CXCL14: variants seen among roughly 807,000 people sequenced by gnomAD.
CXCL14 encodes the protein C-X-C motif chemokine 14.
In CXCL14, 9 loss-of-function variants were observed where a neutral mutation model predicts 16.1. The ratio of observed to expected loss-of-function variants is 0.56; its 90% CI spans 0.34 to 0.97. The LOEUF is 0.97. Among genes scored for constraint, CXCL14 ranks in the 50% least tolerant of loss-of-function variants. The probability of loss-of-function intolerance (pLI) is 0.02; values close to 1 mark genes in which losing one functional copy is unlikely to be tolerated. For missense variants in CXCL14, 111 were observed against 132.5 expected (o/e 0.84, Z 0.80); for synonymous variants, 55 against 52.8 (o/e 1.04, Z -0.18).
rs1163987955 is a variant in CXCL14, at chr5:135,578,918, G to A, written c.-140C>T. 6 of 941,432 alleles carry A rather than the reference G, an allele frequency of 6.4e-6. No homozygotes were observed. Among genetic ancestry groups the A allele is most frequent in the Non-Finnish European group, 7.4e-6 (5 of 672,396 alleles). 58.3% of individuals were successfully genotyped at this position (941,432 alleles called of 1,614,324 possible). On this transcript the variant is annotated 5_prime_UTR_variant, in exon 1 of 4. Transcript: ENST00000512158. ...CCTTCCGGCTCTGCTGGCTCCGGCTGCGCCGTCGGTGGATGCCCAGGGCTG... is the reference window on the plus strand; with the variant it reads ...CCTTCCGGCTCTGCTGGCTCCGGCTACGCCGTCGGTGGATGCCCAGGGCTG...
chr5:135,574,583 G>T lies in CXCL14; in HGVS notation c.273C>A (p.Asn91Lys). The T allele has an allele frequency of 1.9e-6, 3 of 1,612,670 alleles. No individual in the cohort carries two copies. The highest frequency in any genetic ancestry group is 2.5e-6 in the Non-Finnish European group (3 of 1,179,768). Reference protein sequence around the residue: ...KRFIKWYNAWNEKRRVYEE With the variant: ...KRFIKWYNAWKEKRRVYEE Reference sequence around the variant, plus strand: ...GAGGCGGGGCGTACCTGCGCTTCTCGTTCCAGGCGTTGTACCACTTGATGA... The same window carrying T: ...GAGGCGGGGCGTACCTGCGCTTCTCTTTCCAGGCGTTGTACCACTTGATGA... Residue 91 changes from asparagine (N) to lysine (K), a missense_variant, in exon 3 of 4, where the codon AAC (asparagine) becomes AAA (lysine). Asn to Lys is a moderately conservative substitution (Grantham distance 94). Coordinates refer to ENST00000512158, the MANE Select transcript of CXCL14 (RefSeq NM_004887.5).
rs151336467 is a variant in CXCL14 at position 135,571,031 on chromosome 5, G to A, written c.*822C>T. On this transcript the variant is annotated 3_prime_UTR_variant, in exon 4 of 4. Transcript: ENST00000512158. ...GAATGTGTGTCTGTAGCTGTGTATT[G>A]CGCATGTATTCATATATTTTTAAGT... The A allele has an allele frequency of 6.6e-6, 1 of 152,308 alleles. No individual in the cohort carries two copies. Among genetic ancestry groups the A allele is most frequent in the East Asian group, 1.9e-4 (1 of 5,182 alleles). The allele number at this position is 152,308 out of a possible 1,614,324, so 9.4% of individuals were successfully genotyped here. A position where few individuals can be genotyped will look rare whatever the true frequency, so the allele number is the denominator to read the frequency against.
At position 135,571,742 on chromosome 5, in the gene CXCL14, CTTTTTTTTTTTTTTTTTTTTTTTTT is replaced by C. The variant is rs566365690; in HGVS notation, c.*86_*110del. 18,995 of 457,974 alleles carry C rather than the reference CTTTTTTTTTTTTTTTTTTTTTTTTT, an allele frequency of 0.041. 222 individuals are homozygous for C. The highest frequency in any genetic ancestry group is 0.062 in the Middle Eastern group (138 of 2,210). 28.4% of individuals were successfully genotyped at this position (457,974 alleles called of 1,614,324 possible). A position where few individuals can be genotyped will look rare whatever the true frequency, so the allele number is the denominator to read the frequency against. On this transcript the variant is annotated 3_prime_UTR_variant, in exon 4 of 4. Coordinates refer to ENST00000512158, the MANE Select transcript of CXCL14 (RefSeq NM_004887.5). ...GTCTTATGCCTGTGAGAAAGAAAGG[CTTTTTTTTTTTTTTTTTTTTTTTTT>C]TTTTTTTTTTTTTTTTTTAATCTGC... is the stretch of plus-strand genomic sequence containing the variant.
In CXCL14 at chr5:135,571,764, TTTTTTTTTTTTTTTTTTTTTTAATCTG is replaced by T; in HGVS notation, c.*62_*88del. The T allele has an allele frequency of 1.6e-5, 3 of 182,562 alleles. No individual in the cohort carries two copies. Among genetic ancestry groups the T allele is most frequent in the Non-Finnish European group, 3.0e-5 (3 of 100,460 alleles). The allele number at this position is 182,562 out of a possible 1,614,324, so 11.3% of individuals were successfully genotyped here. The stretch of plus-strand genomic sequence containing the variant: ...AGGCTTTTTTTTTTTTTTTTTTTTT[TTTTTTTTTTTTTTTTTTTTTTAATCTG>T]CAAAGTCCTTTGCACAAGTCTCCCA... On this transcript the variant is annotated 3_prime_UTR_variant, in exon 4 of 4. Coordinates refer to ENST00000512158, the MANE Select transcript of CXCL14 (RefSeq NM_004887.5).
At chr5:135,575,730 G>A (rs1751087804) in intron 2 of CXCL14, among the ~76,000 whole-genome samples, 1 of 152,218 alleles carries the variant, frequency 6.6e-6, no homozygotes, top group African/African-American at 2.4e-5. Context: ...CATGACAGGA[G>A]TTGTGGGGAA....
In CXCL14 at chr5:135,571,082, T is replaced by C. The variant is rs987438964; in HGVS notation, c.*771A>G. 7.2e-5 allele frequency: 11 copies of C among 152,236 alleles called. No individual in the cohort carries two copies. Among genetic ancestry groups the C allele is most frequent in the Admixed American group, 7.2e-4 (11 of 15,288 alleles). 9.4% of individuals were successfully genotyped at this position (152,236 alleles called of 1,614,324 possible). A position where few individuals can be genotyped will look rare whatever the true frequency, so the allele number is the denominator to read the frequency against. On this transcript the variant is annotated 3_prime_UTR_variant, in exon 4 of 4. Transcript: ENST00000512158. Reference sequence around the variant, plus strand: ...TTTCTCCTAAGGTTTTTGCTGACAGTGTTGGGAACCTCACATGCTTCTGAA... The same window carrying C: ...TTTCTCCTAAGGTTTTTGCTGACAGCGTTGGGAACCTCACATGCTTCTGAA...
intron 2 of CXCL14, among the ~76,000 whole-genome samples, chr5:135,576,032 G>A (rs539996158): frequency 1.6e-4 from 25 of 152,346 alleles, no homozygotes; most frequent in Middle Eastern, 6.8e-3. Flanking sequence ...AAAGAAAATC[G>A]GATCTTGCCA....
intron 2 of CXCL14, among the ~76,000 whole-genome samples, chr5:135,577,053 G>GT (rs1366488780): frequency 6.6e-6 from 1 of 152,164 alleles, no homozygotes; most frequent in Non-Finnish European, 1.5e-5. Context: ...CCTAGCTATA[G>GT]TTTTTCTCTA....
At position 135,571,867 on chromosome 5, in the gene CXCL14, C is replaced by T. The variant is rs980067878; in HGVS notation, c.286G>A (p.Val96Ile). 1.9e-6 allele frequency: 3 copies of T among 1,592,770 alleles called. No individual in the cohort carries two copies. The highest frequency in any genetic ancestry group is 2.8e-5 in the African/African-American group (2 of 72,672). ...GGTTTTTCACCCTATTCTTCGTAGA[C>T]CCTGGGGAGAAAAAACACATGTGTA... ...WYNAWNEKRR[V>I]YEE Residue 96 changes from valine to isoleucine, a missense_variant and splice_region_variant, in exon 4 of 4, where the codon GTC becomes ATC. Coordinates refer to ENST00000512158, the MANE Select transcript of CXCL14 (RefSeq NM_004887.5).
At position 135,578,811 on chromosome 5, in the gene CXCL14, A is replaced by C; in HGVS notation, c.-33T>G. The stretch of plus-strand genomic sequence containing the variant: ...GGAGGGGCGCGGCGTGGGAGCAGGG[A>C]CATGGGGAGGGCGCTGGCCCGTCGG... On this transcript the variant is annotated 5_prime_UTR_variant, in exon 1 of 4. Transcript: ENST00000512158. 2 of 1,522,096 alleles carry C rather than the reference A, an allele frequency of 1.3e-6. No individual in the cohort carries two copies. Among genetic ancestry groups the C allele is most frequent in the Non-Finnish European group, 1.8e-6 (2 of 1,138,870 alleles). The allele number at this position is 1,522,096 out of a possible 1,614,324, so 94.3% of individuals were successfully genotyped here.
Position 135,578,806 on chromosome 5 carries a change from C to G in CXCL14, c.-28G>C, listed in dbSNP as rs1039124835. 2.6e-6 allele frequency: 4 copies of G among 1,531,818 alleles called. No homozygotes were observed. The South Asian group carries it at 3.7e-5, about 14-fold the overall frequency. The allele number at this position is 1,531,818 out of a possible 1,614,324, so 94.9% of individuals were successfully genotyped here. A position where few individuals can be genotyped will look rare whatever the true frequency, so the allele number is the denominator to read the frequency against. ...TGACCGGAGGGGCGCGGCGTGGGAG[C>G]AGGGACATGGGGAGGGCGCTGGCCC... On this transcript the variant is annotated 5_prime_UTR_variant, in exon 1 of 4. Transcript: ENST00000512158.
rs745758248 is a variant in CXCL14, at chr5:135,578,847, C to T, written c.-69G>A. On this transcript the variant is annotated 5_prime_UTR_variant, in exon 1 of 4. Transcript: ENST00000512158. ...GCGCTGGCCCGTCGGAGCGGCGGCCCGGAGACGCCACCCAGCTCTGCTCGG... is the reference window on the plus strand; with the variant it reads ...GCGCTGGCCCGTCGGAGCGGCGGCCTGGAGACGCCACCCAGCTCTGCTCGG... 4.1e-6 allele frequency: 6 copies of T among 1,450,146 alleles called. No individual in the cohort carries two copies. In the African/African-American group the frequency reaches 5.9e-5, roughly 14 times the overall value. The allele number at this position is 1,450,146 out of a possible 1,614,324, so 89.8% of individuals were successfully genotyped here.
chr5:135,574,718 G>GGAGCCT (rs1561740958), intron 2 of CXCL14, 33 bp from the exon 3 acceptor site: 1 of 1,551,858 alleles, frequency 6.4e-7, no homozygotes, highest in Non-Finnish European at 8.9e-7. Context: ...GGAGGGTTGA[G>GGAGCCT]GAGCCTGAAT....
chr5:135,575,748 C>A (rs1255189785), intron 2 of CXCL14, among the ~76,000 whole-genome samples: 4 of 152,132 alleles, frequency 2.6e-5, no homozygotes. Flanking sequence ...GAATAAGAGA[C>A]CACCTAGGGT....
chr5:135,571,765 TTTTTTTTTTTTTTTTTTTTTAATC>T lies in CXCL14; in HGVS notation c.*64_*87del, dbSNP rs1751033798. 5.2e-6 allele frequency: 1 copy of T among 190,542 alleles called. No homozygotes were observed. The highest frequency in any genetic ancestry group is 8.3e-5 in the Admixed American group (1 of 11,978). 11.8% of individuals were successfully genotyped at this position (190,542 alleles called of 1,614,324 possible). The stretch of plus-strand genomic sequence containing the variant: ...GGCTTTTTTTTTTTTTTTTTTTTTT[TTTTTTTTTTTTTTTTTTTTTAATC>T]TGCAAAGTCCTTTGCACAAGTCTCC... On this transcript the variant is annotated 3_prime_UTR_variant, in exon 4 of 4. Transcript: ENST00000512158.
At position 135,576,392 on chromosome 5, in the gene CXCL14, A is replaced by G. The variant is rs147708452; in HGVS notation, c.171-1707T>C. Reference sequence around the variant, plus strand: ...GCCTGATAAAAACCCTTTCTCAGTTAGGTCAGTGTGCAGGCTGTGCATCCC... The same window carrying G: ...GCCTGATAAAAACCCTTTCTCAGTTGGGTCAGTGTGCAGGCTGTGCATCCC... On this transcript the variant is annotated intron_variant, in intron 2 of 3. Coordinates refer to ENST00000512158, the MANE Select transcript of CXCL14 (RefSeq NM_004887.5). 7.0e-3 allele frequency among the ~76,000 whole-genome samples: 1,059 copies of G among 152,342 alleles called. 5 individuals are homozygous for G. Among genetic ancestry groups the G allele is most frequent in the Non-Finnish European group, 0.012 (795 of 68,034 alleles).
intron 1 of CXCL14, 31 bp downstream of exon 1, chr5:135,578,684 G>C: frequency 6.4e-7 from 1 of 1,555,900 alleles, no homozygotes; most frequent in Non-Finnish European, 8.7e-7. Flanking sequence ...GACAAGACGA[G>C]ACGGCGACAA....
Position 135,574,666 on chromosome 5 carries a change from A to G in CXCL14, c.190T>C (p.Ser64Pro), listed in dbSNP as rs1453714913. 6.2e-6 allele frequency: 10 copies of G among 1,613,708 alleles called. No homozygotes were observed. Among genetic ancestry groups the G allele is most frequent in the Non-Finnish European group, 7.6e-6 (9 of 1,179,958 alleles). The change falls in exon 3 of 4, where the codon TCC (serine) becomes CCC (proline). Residue 64 changes from serine to proline, a missense_variant. Ser to Pro is a moderately conservative substitution (Grantham distance 74, BLOSUM62 -1). Coordinates refer to ENST00000512158, the MANE Select transcript of CXCL14 (RefSeq NM_004887.5). ...KMVIITTKSVSRYRGQEHCLH... is the reference protein window; with the variant it reads ...KMVIITTKSVPRYRGQEHCLH... ...CAGTGCTCCTGACCTCGGTACCTGG[A>G]CACGCTCTTGGTGGTGATGCTGAAA...
chr5:135,574,727 A>G, intron 2 of CXCL14, 42 bp from the exon 3 acceptor site: 1 of 1,510,274 alleles, frequency 6.6e-7, no homozygotes, highest in Admixed American at 1.7e-5. Flanking sequence ...AGGAGCCTGA[A>G]TAACATGTTG....
Sources: gnomAD v4.1 joint callset for allele counts (sites outside exome capture counted in the v4.1 genomes callset) on GRCh38, gnomAD v4.1.1 for gene constraint, MANE v1.5 for transcripts, NCBI Gene and HGNC (gene_info 2026-07-23, HGNC 2026-07-21) for gene names.